The following CCDC47 variants were observed in gnomAD, a reference collection of about 807,000 sequenced individuals.
CCDC47 encodes the protein coiled-coil domain containing 47.
In CCDC47, 41 loss-of-function variants were observed where a neutral mutation model predicts 60.5. The ratio of observed to expected loss-of-function variants is 0.68; its 90% CI spans 0.53 to 0.88. The LOEUF (loss-of-function observed/expected upper bound fraction) is 0.88. Ranked by LOEUF, CCDC47 falls within the 40% of genes least tolerant of loss-of-function variation. CCDC47 has a pLI of 0.00. For synonymous variants in CCDC47, 195 were observed against 190.7 expected, an observed-to-expected ratio of 1.02 and a Z score of -0.18; for missense variants, 513 against 580.9, an observed-to-expected ratio of 0.88 and a Z score of 1.20.
rs894748010 is a variant in CCDC47 at position 63,756,621 on chromosome 17, T to C, written c.736-51A>G. 13 of 1,265,994 alleles carry C rather than the reference T, an allele frequency of 1.0e-5. No individual in the cohort carries two copies. In the South Asian group the frequency reaches 1.6e-4, roughly 16 times the overall value. 78.4% of individuals were successfully genotyped at this position (1,265,994 alleles called of 1,614,324 possible). On this transcript the variant is annotated intron_variant, in intron 6 of 12. Coordinates refer to ENST00000225726, the MANE Select transcript of CCDC47 (RefSeq NM_020198.3). ...AAAATTCACCTGTTAGGTTCTGTGA[T>C]AGGCAGATTTCTAAATGACCCTTAA...
In CCDC47 at chr17:63,751,930, T is replaced by G; in HGVS notation, c.1371+10A>C. ...ATCGTAGTTTTACCCCAGTGATAAGTTTGTCTAACCTCCAGCCTGCGCTGT... is the reference window on the plus strand; with the variant it reads ...ATCGTAGTTTTACCCCAGTGATAAGGTTGTCTAACCTCCAGCCTGCGCTGT... On this transcript the variant is annotated intron_variant, in intron 12 of 12. Coordinates refer to ENST00000225726, the MANE Select transcript of CCDC47 (RefSeq NM_020198.3). 1 of 1,613,528 alleles carries G rather than the reference T, an allele frequency of 6.2e-7. No homozygotes were observed. The highest frequency in any genetic ancestry group is 8.5e-7 in the Non-Finnish European group (1 of 1,179,946).
Position 63,756,300 on chromosome 17 carries a change from C to T in CCDC47, c.888G>A (p.Pro296=), listed in dbSNP as rs745929236. Reference sequence around the variant, plus strand: ...TCTCTGACAGGATGGCCAAAGAGTCCGGCAGTCCATACTTTGCTCCAGACT... The same window carrying T: ...TCTCTGACAGGATGGCCAAAGAGTCTGGCAGTCCATACTTTGCTCCAGACT... ...KPKSGAKYGL[P]DSLAILSEMG... is the part of the protein sequence containing the mutation. The change falls in exon 8 of 13, where the codon CCG becomes CCA. Residue 296 remains proline (P), a synonymous_variant. Coordinates refer to ENST00000225726, the MANE Select transcript of CCDC47 (RefSeq NM_020198.3). The T allele has an allele frequency of 1.9e-5, 30 of 1,614,076 alleles. 1 individual carries two copies. The South Asian group carries it at 2.1e-4, about 11-fold the overall frequency.
chr17:63,763,994 G>A, intron 4 of CCDC47, 22 bp downstream of exon 4: 2 of 1,558,566 alleles, frequency 1.3e-6, no homozygotes, highest in East Asian at 2.3e-5. Context: ...CAAGAAGCTG[G>A]GCTGACATTG....
In CCDC47 at chr17:63,765,889, T is replaced by C. The variant is rs1346695933; in HGVS notation, c.264+23A>G. The C allele has an allele frequency of 1.9e-6, 3 of 1,585,260 alleles. No individual in the cohort carries two copies. In the African/African-American group the frequency reaches 4.1e-5, roughly 22 times the overall value. Reference sequence around the variant, plus strand: ...AGGTGCTAGTTACAAATTTTTCCAATAAATTAATAAAAAGAGCCTCACCTG... The same window carrying C: ...AGGTGCTAGTTACAAATTTTTCCAACAAATTAATAAAAAGAGCCTCACCTG... On this transcript the variant is annotated intron_variant, in intron 2 of 12. Coordinates refer to ENST00000225726, the MANE Select transcript of CCDC47 (RefSeq NM_020198.3).
chr17:63,761,031 T>TA (rs768638116), intron 5 of CCDC47, 52 bp from the exon 6 acceptor site: 63 of 1,471,248 alleles, frequency 4.3e-5, no homozygotes, highest in Non-Finnish European at 5.2e-5. Context: ...CTACTTAGTA[T>TA]AAAAAAAAGG....
rs964720807 is a variant in CCDC47 at position 63,753,257 on chromosome 17, A to T, written c.1035-458T>A. ...AGGGATAATCTACTACAGCATATAT[A>T]ATTTAGTTCTGTCATTGAAGATTCC... On this transcript the variant is annotated intron_variant, in intron 9 of 12. Coordinates refer to ENST00000225726, the MANE Select transcript of CCDC47 (RefSeq NM_020198.3). The T allele has an allele frequency of 5.5e-6, 5 of 903,430 alleles. No individual in the cohort carries two copies. The South Asian group carries it at 2.0e-4, about 37-fold the overall frequency. The allele number at this position is 903,430 out of a possible 1,614,324, so 56.0% of individuals were successfully genotyped here. A position where few individuals can be genotyped will look rare whatever the true frequency, so the allele number is the denominator to read the frequency against.
Position 63,766,102 on chromosome 17 carries a change from A to G in CCDC47, c.74T>C (p.Phe25Ser), listed in dbSNP as rs376932310. 2.0e-5 allele frequency: 32 copies of G among 1,613,948 alleles called. 1 individual carries two copies. In the East Asian group the frequency reaches 7.1e-4, roughly 36 times the overall value. The change falls in exon 2 of 13, where the codon TTT becomes TCT. Residue 25 changes from phenylalanine to serine, a missense_variant. Physicochemically the swap from Phe to Ser is radical, Grantham distance 155 (BLOSUM62 -2). Transcript: ENST00000225726. ...CTCTACTATGTCCTCCTCATCCTCA[A>G]AATCATCAAACTTGGCTTCAGAGAC... Reference protein sequence around the residue: ...GSVSEAKFDDFEDEEDIVEYD... With the variant: ...GSVSEAKFDDSEDEEDIVEYD...
rs137859358 is a variant in CCDC47, at chr17:63,762,268, T to C, written c.548-917A>G. ...CCAAATGAAAACAAGCAAGGGGAAG[T>C]AGAAGGAGCCAAAGCTGCTCATTTA... On this transcript the variant is annotated intron_variant, in intron 4 of 12. Coordinates refer to ENST00000225726, the MANE Select transcript of CCDC47 (RefSeq NM_020198.3). The C allele has an allele frequency of 1.5e-4, 147 of 984,766 alleles. No homozygotes were observed. The African/African-American group carries it at 2.5e-3, about 17-fold the overall frequency. 61.0% of individuals were successfully genotyped at this position (984,766 alleles called of 1,614,324 possible).
rs757799819 is a variant in CCDC47 at position 63,752,401 on chromosome 17, C to CT, written c.1121dup (p.Asp375GlyfsTer17). 1 of 1,613,688 alleles carries CT rather than the reference C, an allele frequency of 6.2e-7. No homozygotes were observed. The highest frequency in any genetic ancestry group is 8.5e-7 in the Non-Finnish European group (1 of 1,179,752). ...TCAGGGGTAGCAGTGCCTCCATATC[C>CT]TTTGGGTAAGTGTTACCTGAGCCAG... On this transcript the variant is annotated frameshift_variant, in exon 11 of 13. Coordinates refer to ENST00000225726, the MANE Select transcript of CCDC47 (RefSeq NM_020198.3). LOFTEE classifies it high-confidence loss of function.
intron 8 of CCDC47, chr17:63,755,277 CT>C: frequency 1.0e-5 from 10 of 984,726 alleles, no homozygotes; most frequent in Non-Finnish European, 1.2e-5. Context: ...AAGGCTAAAG[CT>C]TTTTAAAAAT....
At chr17:63,762,240 AC>A in intron 4 of CCDC47, 2 of 985,432 alleles carry the variant, frequency 2.0e-6, no homozygotes, top group Non-Finnish European at 2.4e-6. Flanking sequence ...ACGGACTGAT[AC>A]ACCAAATGAA....
At chr17:63,747,167 C>A (rs1268544817) in intron 12 of CCDC47, 1 of 982,552 alleles carries the variant, frequency 1.0e-6, no homozygotes, top group Admixed American at 6.2e-5. Context: ...ATTAAATCAA[C>A]TTCAAATGAA....
chr17:63,759,956 C>T (rs111637804), intron 6 of CCDC47, among the ~76,000 whole-genome samples: 2,507 of 146,864 alleles, frequency 0.017, 71 homozygotes, highest in African/African-American at 0.058. Flanking sequence ...CCCAGCTACT[C>T]GGGAGGCTGA....
chr17:63,754,560 T>C (rs778190930), intron 8 of CCDC47, 42 bp from the exon 9 acceptor site: 6 of 1,296,978 alleles, frequency 4.6e-6, no homozygotes, highest in Non-Finnish European at 5.5e-6. Flanking sequence ...CAAGGTTTAA[T>C]GCATTTCCCT....
chr17:63,757,264 C>G (rs2039214740), intron 6 of CCDC47, among the ~76,000 whole-genome samples: 2 of 150,068 alleles, frequency 1.3e-5, no homozygotes, highest in African/African-American at 4.9e-5. Context: ...CCCAGCTACT[C>G]AAGAGGCTGA....
At chr17:63,770,215 G>A (rs1278906416) in intron 1 of CCDC47, among the ~76,000 whole-genome samples, 4 of 151,826 alleles carry the variant, frequency 2.6e-5, no homozygotes, top group African/African-American at 4.8e-5. Context: ...CACCTGCCTC[G>A]GCCTCCCAAA....
At chr17:63,772,221 G>C (rs934580920) in intron 1 of CCDC47, among the ~76,000 whole-genome samples, 13 of 150,902 alleles carry the variant, frequency 8.6e-5, no homozygotes, top group African/African-American at 3.2e-4. Flanking sequence ...TAGGGCTGCA[G>C]TGGGTATTAC....
Position 63,769,909 on chromosome 17 carries a change from A to G in CCDC47, c.-20+3503T>C, listed in dbSNP as rs118096992. Among the ~76,000 whole-genome samples the G allele has an allele frequency of 3.1e-3, 465 of 151,684 alleles. 16 individuals are homozygous for G. In the East Asian group the frequency reaches 0.075, roughly 24 times the overall value. On this transcript the variant is annotated intron_variant, in intron 1 of 12. Coordinates refer to ENST00000225726, the MANE Select transcript of CCDC47 (RefSeq NM_020198.3). ...GAAAAACATACATTTACATACAAATATTAGTTAGCTTGTATGGTAGAATTC... is the reference window on the plus strand; with the variant it reads ...GAAAAACATACATTTACATACAAATGTTAGTTAGCTTGTATGGTAGAATTC...
Position 63,766,168 on chromosome 17 carries a change from G to T in CCDC47, c.8C>A (p.Ala3Asp), listed in dbSNP as rs770893983. Residue 3 changes from alanine to aspartate, a missense_variant, in exon 2 of 13, where the codon GCC becomes GAC. Ala to Asp is a moderately radical substitution (Grantham distance 126, BLOSUM62 -2). Transcript: ENST00000225726. The stretch of plus-strand genomic sequence containing the variant: ...AAGGACAACACAGAAAGTGTGGAAG[G>T]CTTTCATTGCACCTTGAGAAAAAAA... MKAFHTFCVVLLV... is the reference protein window; with the variant it reads MKDFHTFCVVLLV... 11 of 1,607,346 alleles carry T rather than the reference G, an allele frequency of 6.8e-6. No individual in the cohort carries two copies. The Admixed American group carries it at 1.7e-4, about 25-fold the overall frequency.
Sources: gnomAD v4.1 joint callset for allele counts (sites outside exome capture counted in the v4.1 genomes callset) on GRCh38, gnomAD v4.1.1 for gene constraint, MANE v1.5 for transcripts, NCBI Gene and HGNC (gene_info 2026-07-23, HGNC 2026-07-21) for gene names.